Variants in RGS7 observed in about 807,000 individuals in gnomAD.
RGS7 encodes regulator of G protein signaling 7.
A neutral mutation model predicts 81.1 loss-of-function variants in RGS7; 27 were observed. The ratio of observed to expected loss-of-function variants is 0.33; its 90% CI spans 0.25 to 0.46. The LOEUF is 0.46. Ranked by LOEUF, RGS7 falls within the 20% of genes least tolerant of loss-of-function variation. The pLI, the probability that RGS7 is intolerant of heterozygous loss-of-function variation, is 1.00. For missense variants in RGS7, 396 were observed against 607.4 expected (o/e 0.65, Z 3.66); for synonymous variants, 208 against 207.7 (o/e 1.00, Z -0.01).
At chr1:241,081,204 T>G (rs2063111960) in intron 3 of RGS7, among the ~76,000 whole-genome samples, 1 of 152,250 alleles carries the variant, frequency 6.6e-6, no homozygotes, top group South Asian at 2.1e-4. Context: ...TGGATCTCTC[T>G]TGATAACTTT....
intron 3 of RGS7, among the ~76,000 whole-genome samples, chr1:241,095,461 G>GTGAGATCTTGTCTCTACCAA (rs1345688178): frequency 6.6e-6 from 1 of 152,064 alleles, no homozygotes; most frequent in African/African-American, 2.4e-5. Context: ...AGGCAACATG[G>GTGAGATCTTGTCTCTACCAA]TGAGATCTTG....
chr1:240,973,461 G>A (rs771103908), intron 4 of RGS7, among the ~76,000 whole-genome samples: 3 of 151,546 alleles, frequency 2.0e-5, no homozygotes, highest in Admixed American at 2.0e-4. Context: ...AGTGAGCCGA[G>A]ATCACGCCAC....
chr1:240,827,365 T>C (rs1693020094), intron 9 of RGS7, among the ~76,000 whole-genome samples, 193 bp from the exon 10 acceptor site: 1 of 152,150 alleles, frequency 6.6e-6, no homozygotes, highest in South Asian at 2.1e-4. Context: ...ACTTCTTAAC[T>C]CTTCACACTT....
At chr1:240,877,442 ATC>A (rs1270485062) in intron 6 of RGS7, among the ~76,000 whole-genome samples, 35 of 151,960 alleles carry the variant, frequency 2.3e-4, no homozygotes, top group Non-Finnish European at 4.1e-4. Flanking sequence ...ACATATGAAT[ATC>A]TGTTTATATA....
intron 18 of RGS7, among the ~76,000 whole-genome samples, chr1:240,781,032 T>G (rs1166444282): frequency 2.1e-5 from 3 of 144,722 alleles, no homozygotes; most frequent in African/African-American, 7.5e-5. Context: ...TATCAATTTA[T>G]AAAAAAAAAA....
intron 4 of RGS7, among the ~76,000 whole-genome samples, chr1:240,955,418 G>T (rs1342087044): frequency 6.6e-6 from 1 of 152,024 alleles, no homozygotes; most frequent in African/African-American, 2.4e-5. Context: ...CAGACATGGT[G>T]GTGGGCGCCT....
At chr1:240,911,376 C>T (rs1671722009) in intron 6 of RGS7, among the ~76,000 whole-genome samples, 1 of 152,198 alleles carries the variant, frequency 6.6e-6, no homozygotes, top group Non-Finnish European at 1.5e-5. Flanking sequence ...CTACATCTCT[C>T]ATTTTCTCTC....
chr1:240,796,542 C>T (rs1330895163), intron 18 of RGS7, among the ~76,000 whole-genome samples: 4 of 151,988 alleles, frequency 2.6e-5, no homozygotes, highest in Admixed American at 6.6e-5. Flanking sequence ...AAAAATTAGC[C>T]GGGAGTGTTG....
At chr1:241,065,367 C>T (rs1157572443) in intron 3 of RGS7, among the ~76,000 whole-genome samples, 1 of 151,552 alleles carries the variant, frequency 6.6e-6, no homozygotes, top group East Asian at 1.9e-4. Context: ...ACACTGGGTA[C>T]TCCCCAAAAT....
chr1:240,877,947 A>T (rs1665722680), intron 6 of RGS7, among the ~76,000 whole-genome samples: 1 of 152,174 alleles, frequency 6.6e-6, no homozygotes, highest in African/African-American at 2.4e-5. Context: ...CATAAGTCAG[A>T]TAGTCAGTGT....
chr1:240,943,410 A>G (rs57223532), intron 4 of RGS7, among the ~76,000 whole-genome samples: 17,245 of 152,190 alleles, frequency 0.11, 2,114 homozygotes, highest in African/African-American at 0.31. Flanking sequence ...GATAATATGC[A>G]CAATGCACTT....
rs1315210582 is a variant in RGS7 at position 240,880,735 on chromosome 1, A to G, written c.386-10616T>C. Among the ~76,000 whole-genome samples, 5 of 152,194 alleles carry G rather than the reference A, an allele frequency of 3.3e-5. No homozygotes were observed. The South Asian group carries it at 1.0e-3, about 32-fold the overall frequency. ...GGAATTCCTACTGGGGTTGGTCAGA[A>G]TTCCATCCAATGCTAATTTCTCGAG... On this transcript the variant is annotated intron_variant, in intron 6 of 18. Coordinates refer to ENST00000440928, the MANE Select transcript of RGS7 (RefSeq NM_001364886.1).
rs562306833 is a variant in RGS7, at chr1:241,046,155, CA to C, written c.175+52510del. Among the ~76,000 whole-genome samples the C allele has an allele frequency of 3.1e-3, 478 of 151,872 alleles. 3 individuals are homozygous for C. The highest frequency in any genetic ancestry group is 0.011 in the African/African-American group (456 of 41,438). ...TGAGATTTGGGGTAGATCCATTTTT[CA>C]AAAAATTTCAACTTTATTTCAGGTT... On this transcript the variant is annotated intron_variant, in intron 3 of 18. Transcript: ENST00000440928.
At chr1:240,998,430 A>C in intron 3 of RGS7, 1 of 697,892 alleles carries the variant, frequency 1.4e-6, no homozygotes, top group Non-Finnish European at 2.5e-6. Context: ...TTTATTGAAC[A>C]CATTATAAAA....
intron 2 of RGS7, among the ~76,000 whole-genome samples, chr1:241,158,145 A>G (rs2069334834): frequency 6.6e-6 from 1 of 152,162 alleles, no homozygotes; most frequent in African/African-American, 2.4e-5. Flanking sequence ...ATTAGGACAC[A>G]GCCATGCTAA....
chr1:241,275,991 G>A (rs1056771571), intron 2 of RGS7, among the ~76,000 whole-genome samples: 24 of 152,288 alleles, frequency 1.6e-4, no homozygotes, highest in Admixed American at 5.2e-4. Flanking sequence ...ACAGGCTTGC[G>A]TGGGTTAAAT....
chr1:241,033,298 C>G (rs2060171800), intron 3 of RGS7, among the ~76,000 whole-genome samples: 2 of 152,160 alleles, frequency 1.3e-5, no homozygotes, highest in South Asian at 4.2e-4. Flanking sequence ...TTGCAGTGAG[C>G]CAAGATTGCC....
At chr1:240,996,154 T>C (rs77832172) in intron 3 of RGS7, among the ~76,000 whole-genome samples, 1,525 of 152,306 alleles carry the variant, frequency 0.01, 15 homozygotes, top group Middle Eastern at 0.041. Flanking sequence ...TCAGAGAACA[T>C]ACTTGGTATA....
chr1:241,239,764 C>T (rs2076178296), intron 2 of RGS7, among the ~76,000 whole-genome samples: 1 of 152,154 alleles, frequency 6.6e-6, no homozygotes, highest in South Asian at 2.1e-4. Flanking sequence ...CTCAGATCTC[C>T]TGAGTCAGAA....
Sources: allele counts gnomAD v4.1 joint callset (sites outside exome capture counted in the v4.1 genomes callset), GRCh38; gene constraint gnomAD v4.1.1; transcripts MANE v1.5; gene names NCBI Gene and HGNC (gene_info 2026-07-23, HGNC 2026-07-21).